The following ACAD9 variants were observed in gnomAD, a reference collection of about 807,000 sequenced individuals.
The protein encoded by ACAD9 is acyl-CoA dehydrogenase family member 9, also known as complex I assembly factor ACAD9, mitochondrial.
In ACAD9, 53 loss-of-function variants were observed where a neutral mutation model predicts 70.2. That is an observed-to-expected ratio of 0.75 (90% CI 0.61 to 0.95). The LOEUF (loss-of-function observed/expected upper bound fraction) is 0.95. Among genes scored for constraint, ACAD9 ranks in the 40% least tolerant of loss-of-function variants. The probability of loss-of-function intolerance (pLI) is 0.00; values close to 1 mark genes in which losing one functional copy is unlikely to be tolerated. For synonymous variants in ACAD9, 313 were observed against 312.1 expected, an observed-to-expected ratio of 1.00 and a Z score of -0.03; for missense variants, 777 against 802.8, an observed-to-expected ratio of 0.97 and a Z score of 0.39.
intron 1 of ACAD9, among the ~76,000 whole-genome samples, chr3:128,882,608 T>C (rs1935126583): frequency 6.6e-6 from 1 of 152,056 alleles, no homozygotes; most frequent in African/African-American, 2.4e-5. Context: ...AAGCTATTCA[T>C]GGAGTGTCCT....
At chr3:128,906,763 C>T (rs1030686191) in intron 12 of ACAD9, among the ~76,000 whole-genome samples, 2 of 152,134 alleles carry the variant, frequency 1.3e-5, no homozygotes, top group Non-Finnish European at 2.9e-5. Context: ...TTTCTGGGAG[C>T]AGCAGTCAGC....
At chr3:128,912,445 A>T in intron 17 of ACAD9, 62 bp from the exon 18 acceptor site, 1 of 1,490,198 alleles carries the variant, frequency 6.7e-7, no homozygotes. Flanking sequence ...CCCCCACTTC[A>T]GCCATGTTTG....
intron 6 of ACAD9, 88 bp downstream of exon 6, chr3:128,897,798 T>C (rs1237703710): frequency 2.5e-6 from 3 of 1,198,986 alleles, no homozygotes; most frequent in East Asian, 5.0e-5. Flanking sequence ...CCAGGGATTG[T>C]ACCTGCTGCT....
At chr3:128,884,002 C>T (rs1266864625) in intron 1 of ACAD9, among the ~76,000 whole-genome samples, 2 of 152,118 alleles carry the variant, frequency 1.3e-5, no homozygotes, top group African/African-American at 4.8e-5. Flanking sequence ...GTCATGCTGG[C>T]AATTGAAGGG....
At chr3:128,906,736 A>G (rs1935904264) in intron 12 of ACAD9, among the ~76,000 whole-genome samples, 2 of 152,106 alleles carry the variant, frequency 1.3e-5, no homozygotes, top group Non-Finnish European at 2.9e-5. Context: ...AAGGTGAATG[A>G]AGAGAGAGTG....
At chr3:128,887,368 G>T (rs1272286231) in intron 2 of ACAD9, among the ~76,000 whole-genome samples, 6 of 152,122 alleles carry the variant, frequency 3.9e-5, no homozygotes, top group Admixed American at 6.6e-5. Context: ...CACTGTGGAA[G>T]ACTGAGGGGG....
intron 3 of ACAD9, among the ~76,000 whole-genome samples, chr3:128,893,929 G>C (rs1382317096): frequency 6.6e-6 from 1 of 152,194 alleles, no homozygotes; most frequent in African/African-American, 2.4e-5. Flanking sequence ...TTTGAGCAGG[G>C]TCCTTTGTCC....
intron 2 of ACAD9, among the ~76,000 whole-genome samples, chr3:128,887,123 C>T (rs745892992): frequency 6.6e-6 from 1 of 152,014 alleles, no homozygotes; most frequent in Admixed American, 6.6e-5. Flanking sequence ...TGGGGTTTCA[C>T]CATGTTGGCC....
Position 128,904,428 on chromosome 3 carries a change from A to G in ACAD9, c.1072A>G (p.Ser358Gly). Reference protein sequence around the residue: ...LMAQKAYVMESMTYLTAGMLD... With the variant: ...LMAQKAYVMEGMTYLTAGMLD... ...GGCTCAGAAGGCTTACGTCATGGAGAGTATGACCTACCTCACAGCAGGGAT... is the reference window on the plus strand; with the variant it reads ...GGCTCAGAAGGCTTACGTCATGGAGGGTATGACCTACCTCACAGCAGGGAT... The change falls in exon 11 of 18, where the codon AGT (serine) becomes GGT (glycine). Residue 358 changes from serine to glycine, a missense_variant. Transcript: ENST00000308982. The G allele has an allele frequency of 6.2e-7, 1 of 1,614,188 alleles. No individual in the cohort carries two copies. The highest frequency in any genetic ancestry group is 8.5e-7 in the Non-Finnish European group (1 of 1,180,036).
rs1009466390 is a variant in ACAD9, at chr3:128,891,621, GAAAAGA to G, written c.245-1918_245-1913del. Among the ~76,000 whole-genome samples, 62 of 152,138 alleles carry G rather than the reference GAAAAGA, an allele frequency of 4.1e-4. 1 individual carries two copies. Among genetic ancestry groups the G allele is most frequent in the Middle Eastern group, 3.4e-3 (1 of 294 alleles). The stretch of plus-strand genomic sequence containing the variant: ...GGGCGACAGAGCGAGACTCCATCTC[GAAAAGA>G]AAAAGAAAAAGAAAAGTCTGTTTCA... On this transcript the variant is annotated intron_variant, in intron 2 of 17. Coordinates refer to ENST00000308982, the MANE Select transcript of ACAD9 (RefSeq NM_014049.5).
At chr3:128,887,904 C>T (rs773743879) in intron 2 of ACAD9, among the ~76,000 whole-genome samples, 1 of 152,154 alleles carries the variant, frequency 6.6e-6, no homozygotes, top group East Asian at 1.9e-4. Context: ...GGAATGACAG[C>T]TGTAGGCAGC....
chr3:128,901,175 G>C, intron 7 of ACAD9, 101 bp from the exon 8 acceptor site: 1 of 999,036 alleles, frequency 1.0e-6, no homozygotes, highest in Non-Finnish European at 1.6e-6. Flanking sequence ...CCAAACATTG[G>C]ATGGATGGAT....
Position 128,912,904 on chromosome 3 carries a change from C to A in ACAD9, c.*297C>A, listed in dbSNP as rs1200091367. On this transcript the variant is annotated 3_prime_UTR_variant, in exon 18 of 18. Coordinates refer to ENST00000308982, the MANE Select transcript of ACAD9 (RefSeq NM_014049.5). ...CATTGAGGAGACACCATAGTGGAAA[C>A]TGGGGCTTATGCTGCTGCCTCCAGG... The A allele has an allele frequency of 1.8e-6, 1 of 570,018 alleles. No individual in the cohort carries two copies. The highest frequency in any genetic ancestry group is 3.4e-6 in the Non-Finnish European group (1 of 295,716). 35.3% of individuals were successfully genotyped at this position (570,018 alleles called of 1,614,324 possible). A position where few individuals can be genotyped will look rare whatever the true frequency, so the allele number is the denominator to read the frequency against.
Position 128,879,709 on chromosome 3 carries a change from C to T in ACAD9, c.18C>T (p.Leu6=). ...CGGGCAGCATGAGCGGCTGCGGGCT[C>T]TTCCTGCGCACCACGGCTGCGGCTC... The part of the protein sequence containing the change: MSGCG[L]FLRTTAAARA... The change falls in exon 1 of 18, where the codon CTC becomes CTT. Residue 6 remains leucine, a synonymous_variant. Transcript: ENST00000308982. 6.2e-7 allele frequency: 1 copy of T among 1,612,872 alleles called. No individual in the cohort carries two copies.
At position 128,912,573 on chromosome 3, in the gene ACAD9, A is replaced by C; in HGVS notation, c.1832A>C (p.Tyr611Ser). 1 of 1,614,166 alleles carries C rather than the reference A, an allele frequency of 6.2e-7. No individual in the cohort carries two copies. The highest frequency in any genetic ancestry group is 8.5e-7 in the Non-Finnish European group (1 of 1,180,008). The change falls in exon 18 of 18, where the codon TAT (tyrosine) becomes TCT (serine). Residue 611 changes from tyrosine (Y) to serine (S), a missense_variant. By Grantham distance (144) the Tyr-to-Ser change is moderately radical. Coordinates refer to ENST00000308982, the MANE Select transcript of ACAD9 (RefSeq NM_014049.5). The stretch of plus-strand genomic sequence containing the variant: ...CAGCAGATCCTTGAGAAGCGAGCCT[A>C]TATCTGTGCCCACCCTCTGGACAGG... ...VSQQILEKRAYICAHPLDRTC is the reference protein window; with the variant it reads ...VSQQILEKRASICAHPLDRTC
rs1344112074 is a variant in ACAD9, at chr3:128,904,141, G to A, written c.1029+9G>A. 3.1e-6 allele frequency: 5 copies of A among 1,613,912 alleles called. No individual in the cohort carries two copies. In the South Asian group the frequency reaches 5.5e-5, roughly 18 times the overall value. ...AATTTGGATTGATTCAGGTACCAAT[G>A]GTTGAGTACTGTATTTGTGCATTTC... On this transcript the variant is annotated intron_variant, in intron 10 of 17. Coordinates refer to ENST00000308982, the MANE Select transcript of ACAD9 (RefSeq NM_014049.5).
intron 17 of ACAD9, 34 bp downstream of exon 17, chr3:128,910,847 G>C (rs1936215444): frequency 6.2e-7 from 1 of 1,610,136 alleles, no homozygotes; most frequent in African/African-American, 1.3e-5. Flanking sequence ...GGAAGGAAGG[G>C]CCCACTTCTA....
chr3:128,912,849 C>G lies in ACAD9; in HGVS notation c.*242C>G. 1 of 666,876 alleles carries G rather than the reference C, an allele frequency of 1.5e-6. No homozygotes were observed. Among genetic ancestry groups the G allele is most frequent in the Non-Finnish European group, 2.8e-6 (1 of 355,964 alleles). The allele number at this position is 666,876 out of a possible 1,614,324, so 41.3% of individuals were successfully genotyped here. On this transcript the variant is annotated 3_prime_UTR_variant, in exon 18 of 18. Coordinates refer to ENST00000308982, the MANE Select transcript of ACAD9 (RefSeq NM_014049.5). ...GAGCCGGAGAGAGAGAATGGAATTGCTGACCCCTGGAACTGGCGGGTATTC... is the reference window on the plus strand; with the variant it reads ...GAGCCGGAGAGAGAGAATGGAATTGGTGACCCCTGGAACTGGCGGGTATTC...
At chr3:128,909,483 G>T in intron 15 of ACAD9, 62 bp downstream of exon 15, 1 of 1,526,524 alleles carries the variant, frequency 6.6e-7, no homozygotes, top group Non-Finnish European at 9.0e-7. Context: ...GCATTCATGA[G>T]ACTACTTTTT....
Sources: allele counts gnomAD v4.1 joint callset (sites outside exome capture counted in the v4.1 genomes callset), GRCh38; gene constraint gnomAD v4.1.1; transcripts MANE v1.5; gene names NCBI Gene and HGNC (gene_info 2026-07-23, HGNC 2026-07-21).